RFC1: variants seen among roughly 807,000 people sequenced by gnomAD.
RFC1 encodes replication factor C subunit 1, also known as A1 140 kDa subunit.
A neutral mutation model predicts 137.4 loss-of-function variants in RFC1; 37 were observed. That is an observed-to-expected ratio of 0.27 (90% confidence interval 0.21 to 0.35). The LOEUF (loss-of-function observed/expected upper bound fraction) is 0.35, where lower values mean the gene tolerates loss of function less well. Ranked by LOEUF, RFC1 falls within the 10% of genes least tolerant of loss-of-function variation. RFC1 has a pLI of 1.00. For missense variants in RFC1, 1,205 were observed against 1,358.5 expected, an observed-to-expected ratio of 0.89 and a Z score of 1.78; for synonymous variants, 429 against 455.7, an observed-to-expected ratio of 0.94 and a Z score of 0.75.
intron 15 of RFC1, among the ~76,000 whole-genome samples, chr4:39,304,470 G>C (rs967134760): frequency 6.6e-6 from 1 of 152,150 alleles, no homozygotes; most frequent in Non-Finnish European, 1.5e-5. Context: ...CATACATGCA[G>C]AGTGAGGTTA....
At chr4:39,298,897 T>C (rs556123186) in intron 21 of RFC1, among the ~76,000 whole-genome samples, 46 of 152,256 alleles carry the variant, frequency 3.0e-4, no homozygotes, top group African/African-American at 1.1e-3. Flanking sequence ...GGCGGGCGGA[T>C]CACGAGGTCA....
At chr4:39,299,710 T>A (rs957199554) in intron 21 of RFC1, among the ~76,000 whole-genome samples, 5 of 150,918 alleles carry the variant, frequency 3.3e-5, no homozygotes, top group Non-Finnish European at 5.9e-5. Flanking sequence ...TGTAACAGAC[T>A]ATATTTTTGC....
rs1738282128 is a variant in RFC1 at position 39,300,324 on chromosome 4, C to T, written c.2626G>A (p.Asp876Asn). ...LVDKSDLFFH[D>N]YSIAPLFVQE... is the part of the protein sequence containing the mutation. ...ACGAAGAGGGGTGCTATTGAATAAT[C>T]ATGAAAAAAGAGATCTGACTTGTCC... Residue 876 changes from aspartate to asparagine, a missense_variant, in exon 20 of 25, where the codon GAT (aspartate) becomes AAT (asparagine). Asp to Asn is a conservative substitution (Grantham distance 23). This residue lies in a region of RFC1 where 962 missense variants were observed against 1,035.3 expected (regional missense o/e 0.93). Coordinates refer to ENST00000349703, the MANE Select transcript of RFC1 (RefSeq NM_002913.5). 6.2e-7 allele frequency: 1 copy of T among 1,613,930 alleles called. No homozygotes were observed. Among genetic ancestry groups the T allele is most frequent in the African/African-American group, 1.3e-5 (1 of 74,888 alleles).
chr4:39,351,807 C>T (rs764434014), intron 1 of RFC1, among the ~76,000 whole-genome samples: 21 of 151,462 alleles, frequency 1.4e-4, no homozygotes, highest in Non-Finnish European at 2.4e-4. Context: ...ACTAAAAATA[C>T]AAAAAATTAG....
At chr4:39,345,547 G>A in intron 2 of RFC1, 71 bp from the exon 3 acceptor site, 6 of 1,208,874 alleles carry the variant, frequency 5.0e-6, no homozygotes, top group Non-Finnish European at 7.0e-6. Context: ...TTGAGACGGA[G>A]TCTCACTCTG....
intron 1 of RFC1, among the ~76,000 whole-genome samples, chr4:39,355,096 A>AC (rs59993299): frequency 1.0e-4 from 6 of 60,164 alleles, no homozygotes; most frequent in African/African-American, 2.4e-4. Context: ...AAAAAAAAAA[A>AC]ATACACACAC....
chr4:39,350,824 C>A (rs887848087), intron 2 of RFC1, among the ~76,000 whole-genome samples: 1 of 152,030 alleles, frequency 6.6e-6, no homozygotes, highest in Non-Finnish European at 1.5e-5. Context: ...ATAGCAAATA[C>A]GTGCATAAAA....
chr4:39,356,233 T>C (rs184756645), intron 1 of RFC1, among the ~76,000 whole-genome samples: 32 of 152,112 alleles, frequency 2.1e-4, no homozygotes, highest in African/African-American at 7.2e-4. Context: ...ACCCCATCTC[T>C]ACTAAAAATA....
At chr4:39,329,340 A>G (rs1370054635) in intron 4 of RFC1, among the ~76,000 whole-genome samples, 2 of 151,516 alleles carry the variant, frequency 1.3e-5, no homozygotes, top group Non-Finnish European at 2.9e-5. Context: ...ATCTCTACCA[A>G]AAAAAATTAG....
chr4:39,342,213 G>T, intron 4 of RFC1, 132 bp downstream of exon 4: 1 of 1,057,078 alleles, frequency 9.5e-7, no homozygotes. Flanking sequence ...AGCCTTCCCT[G>T]ACAAATATAA....
chr4:39,345,794 T>C (rs963847472), intron 2 of RFC1, among the ~76,000 whole-genome samples: 2 of 152,164 alleles, frequency 1.3e-5, no homozygotes, highest in Non-Finnish European at 2.9e-5. Flanking sequence ...CAGAAGGCAT[T>C]TGTCAATGTC....
intron 7 of RFC1, chr4:39,322,551 T>C (rs1236660538): frequency 6.6e-6 from 1 of 152,246 alleles, no homozygotes. Context: ...ATTAAACTTG[T>C]GTTCCAAAAG....
intron 3 of RFC1, among the ~76,000 whole-genome samples, chr4:39,343,468 C>G (rs1020620152): frequency 6.6e-6 from 1 of 152,326 alleles, no homozygotes; most frequent in Non-Finnish European, 1.5e-5. Context: ...CTGTCTACCA[C>G]AGCCTAATCT....
chr4:39,323,576 A>G (rs965063946), intron 6 of RFC1, among the ~76,000 whole-genome samples, 159 bp from the exon 7 acceptor site: 1 of 152,262 alleles, frequency 6.6e-6, no homozygotes, highest in Admixed American at 6.5e-5. Context: ...GAAGTATCAC[A>G]GGTTTGTTTC....
At chr4:39,342,530 TAAA>T in intron 3 of RFC1, 63 bp from the exon 4 acceptor site, 1 of 1,525,782 alleles carries the variant, frequency 6.6e-7, no homozygotes, top group South Asian at 1.2e-5. Flanking sequence ...AGTGCATGTT[TAAA>T]GTAGTCACGG....
intron 19 of RFC1, among the ~76,000 whole-genome samples, chr4:39,300,623 A>G (rs538963140): frequency 6.6e-6 from 1 of 152,346 alleles, no homozygotes; most frequent in African/African-American, 2.4e-5. Context: ...CCCAAATGAA[A>G]CTATGTTCAC....
intron 12 of RFC1, among the ~76,000 whole-genome samples, chr4:39,309,945 G>A (rs1340670368): frequency 2.0e-5 from 3 of 152,238 alleles, no homozygotes; most frequent in East Asian, 1.9e-4. Flanking sequence ...GACAGTTATC[G>A]ATTACAAAGG....
intron 9 of RFC1, among the ~76,000 whole-genome samples, chr4:39,318,870 T>C (rs1029978516): frequency 1.3e-5 from 2 of 152,216 alleles, no homozygotes; most frequent in South Asian, 4.1e-4. Flanking sequence ...TTAAAATAGG[T>C]GATATTCTGC....
chr4:39,361,651 A>G (rs1441869970), intron 1 of RFC1, among the ~76,000 whole-genome samples: 1 of 152,232 alleles, frequency 6.6e-6, no homozygotes, highest in Non-Finnish European at 1.5e-5. Flanking sequence ...GAAATCCACT[A>G]AAAAATTTAG....
Sources: allele counts gnomAD v4.1 joint callset (sites outside exome capture counted in the v4.1 genomes callset), GRCh38; gene constraint gnomAD v4.1.1; regional missense constraint gnomAD v4.1.1; transcripts MANE v1.5; gene names NCBI Gene and HGNC (gene_info 2026-07-23, HGNC 2026-07-21).